The following EIF2B3 variants were observed in gnomAD, a reference collection of about 807,000 sequenced individuals.
EIF2B3 encodes the protein eukaryotic translation initiation factor 2B subunit gamma, also known as translation initiation factor eIF2B subunit gamma.
A neutral mutation model predicts 54.1 loss-of-function variants in EIF2B3; 20 were observed. The observed-to-expected ratio is 0.37, with a 90% CI of 0.26 to 0.54. The LOEUF is 0.54. Ranked by LOEUF, EIF2B3 falls within the 20% of genes least tolerant of loss-of-function variation. EIF2B3 has a pLI of 0.86. For missense variants in EIF2B3, 448 were observed against 547.8 expected, an observed-to-expected ratio of 0.82 and a Z score of 1.82; for synonymous variants, 153 against 188.1, an observed-to-expected ratio of 0.81 and a Z score of 1.52.
intron 5 of EIF2B3, among the ~76,000 whole-genome samples, chr1:44,898,001 G>A (rs1317074360): frequency 1.3e-5 from 2 of 151,986 alleles, no homozygotes; most frequent in Non-Finnish European, 2.9e-5. Flanking sequence ...CTCCCAGAGT[G>A]GTTGGATTAC....
Position 44,896,340 on chromosome 1 carries a change from A to G in EIF2B3, c.656+1015T>C, listed in dbSNP as rs969839246. 1.6e-4 allele frequency among the ~76,000 whole-genome samples: 25 copies of G among 152,022 alleles called. No individual in the cohort carries two copies. In the East Asian group the frequency reaches 4.8e-3, roughly 29 times the overall value. On this transcript the variant is annotated intron_variant, in intron 6 of 11. Transcript: ENST00000360403. ...TGATTTGTTTTACCATTGGCTCTAC[A>G]TGGGCCTCTCCACAGGAACTTAGCA... is the stretch of plus-strand genomic sequence containing the variant.
chr1:44,877,533 T>G (rs1655235875), intron 8 of EIF2B3, among the ~76,000 whole-genome samples: 1 of 152,200 alleles, frequency 6.6e-6, no homozygotes, highest in African/African-American at 2.4e-5. Flanking sequence ...CCTGGGTTCC[T>G]GGTCACCTCC....
intron 4 of EIF2B3, among the ~76,000 whole-genome samples, chr1:44,936,463 C>T (rs1569778399): frequency 6.6e-6 from 1 of 151,118 alleles, no homozygotes; most frequent in African/African-American, 2.4e-5. Flanking sequence ...TGGTGGTGGA[C>T]GCCTGTAAAC....
Position 44,978,464 on chromosome 1 carries a change from T to C in EIF2B3, c.149-4A>G, listed in dbSNP as rs72887005. The C allele has an allele frequency of 0.012, 19,230 of 1,612,146 alleles. 2,037 individuals carry two copies. In the African/African-American group the frequency reaches 0.23, roughly 19 times the overall value. ...CTGGTTGTAACCACAATGACTTCTA[T>C]AGGACAAAAGAAAAAAAGAAAGAAA... On this transcript the variant is annotated splice_polypyrimidine_tract_variant and splice_region_variant and intron_variant, in intron 2 of 11. Transcript: ENST00000360403.
chr1:44,955,744 A>G (rs753756922), intron 3 of EIF2B3, among the ~76,000 whole-genome samples: 8 of 152,232 alleles, frequency 5.3e-5, no homozygotes, highest in Non-Finnish European at 7.4e-5. Context: ...TATGTGGCCA[A>G]GAAACATATG....
intron 5 of EIF2B3, among the ~76,000 whole-genome samples, chr1:44,901,156 C>T (rs1022555299): frequency 6.6e-6 from 1 of 151,816 alleles, no homozygotes; most frequent in Non-Finnish European, 1.5e-5. Flanking sequence ...GCTCTTGTTG[C>T]CCAGGCTGGA....
At chr1:44,863,942 T>C (rs1192422590) in intron 10 of EIF2B3, among the ~76,000 whole-genome samples, 1 of 152,198 alleles carries the variant, frequency 6.6e-6, no homozygotes, top group Non-Finnish European at 1.5e-5. Flanking sequence ...TCTTGGGTCC[T>C]CTAGATTAAA....
chr1:44,919,810 G>A (rs900656915), intron 5 of EIF2B3, among the ~76,000 whole-genome samples: 7 of 141,930 alleles, frequency 4.9e-5, no homozygotes, highest in African/African-American at 1.6e-4. Flanking sequence ...TCCACCTCCC[G>A]GGTTCAAGCG....
intron 6 of EIF2B3, among the ~76,000 whole-genome samples, chr1:44,885,986 C>G (rs946717718): frequency 1.3e-5 from 2 of 150,398 alleles, no homozygotes; most frequent in African/African-American, 4.9e-5. Context: ...ACCTCGTGAT[C>G]CGCCCACCTC....
At chr1:44,867,855 A>G (rs1194632868) in intron 10 of EIF2B3, among the ~76,000 whole-genome samples, 4 of 148,738 alleles carry the variant, frequency 2.7e-5, no homozygotes, top group African/African-American at 9.9e-5. Flanking sequence ...GGCAACACAG[A>G]GATTCTGTCT....
At chr1:44,968,750 A>T (rs1016159136) in intron 3 of EIF2B3, among the ~76,000 whole-genome samples, 4 of 152,114 alleles carry the variant, frequency 2.6e-5, no homozygotes, top group African/African-American at 9.7e-5. Flanking sequence ...TACAAAAATT[A>T]GCCAGGCATG....
chr1:44,926,534 G>A, intron 5 of EIF2B3, 94 bp downstream of exon 5: 2 of 962,098 alleles, frequency 2.1e-6, no homozygotes, highest in Admixed American at 1.8e-5. Context: ...ACACAGTATA[G>A]TCTAGTTTTC....
At chr1:44,914,688 C>T (rs1643585880) in intron 5 of EIF2B3, among the ~76,000 whole-genome samples, 1 of 151,860 alleles carries the variant, frequency 6.6e-6, no homozygotes, top group South Asian at 2.1e-4. Context: ...TCTTCCCTCC[C>T]TCCCTTCCTT....
intron 10 of EIF2B3, among the ~76,000 whole-genome samples, chr1:44,859,101 C>T (rs886702914): frequency 6.6e-6 from 1 of 152,086 alleles, no homozygotes; most frequent in Non-Finnish European, 1.5e-5. Flanking sequence ...GAGTTTAAGA[C>T]CAGCTTGGGC....
chr1:44,875,468 G>T (rs1025292767), intron 9 of EIF2B3, 150 bp downstream of exon 9: 1 of 767,704 alleles, frequency 1.3e-6, no homozygotes. Flanking sequence ...AGGCAGTCTT[G>T]TTGAGTGAGA....
chr1:44,940,901 C>CA (rs1042931251), intron 4 of EIF2B3: 1 of 152,168 alleles, frequency 6.6e-6, no homozygotes, highest in African/African-American at 2.4e-5. Context: ...TTTCTCCCCC[C>CA]ACCGAGATGG....
intron 6 of EIF2B3, among the ~76,000 whole-genome samples, chr1:44,892,562 C>A (rs188454863): frequency 6.6e-6 from 1 of 151,092 alleles, no homozygotes; most frequent in African/African-American, 2.4e-5. Flanking sequence ...TCCAGCCTGG[C>A]GAAAGAGCAA....
chr1:44,877,213 A>AAC (rs1655219258), intron 8 of EIF2B3, among the ~76,000 whole-genome samples: 1 of 148,364 alleles, frequency 6.7e-6, no homozygotes, highest in African/African-American at 2.5e-5. Context: ...AAAAAAAAAA[A>AAC]AAAAAAAAAC....
chr1:44,871,531 C>T (rs1319167612), intron 10 of EIF2B3, among the ~76,000 whole-genome samples: 1 of 152,252 alleles, frequency 6.6e-6, no homozygotes, highest in Non-Finnish European at 1.5e-5. Context: ...GTATCCATCC[C>T]TCTCTGATTT....
Sources: gnomAD v4.1 joint callset for allele counts (sites outside exome capture counted in the v4.1 genomes callset) on GRCh38, gnomAD v4.1.1 for gene constraint, MANE v1.5 for transcripts, NCBI Gene and HGNC (gene_info 2026-07-23, HGNC 2026-07-21) for gene names.